The following SPEF2 variants were observed in gnomAD, a reference collection of about 807,000 sequenced individuals.
SPEF2 encodes sperm flagella and cilia-associated protein 2.
In SPEF2, 187 loss-of-function variants were observed where a neutral mutation model predicts 224.6. The ratio of observed to expected loss-of-function variants is 0.83; its 90% confidence interval spans 0.74 to 0.94. SPEF2 has a LOEUF of 0.94. SPEF2 is among the 40% of genes least tolerant of loss of function. SPEF2 has a pLI of 0.00. For synonymous variants in SPEF2, 715 were observed against 707.3 expected, an observed-to-expected ratio of 1.01 and a Z score of -0.17; for missense variants, 2,170 against 2,135.6, an observed-to-expected ratio of 1.02 and a Z score of -0.32.
chr5:35,759,856 G>GTTT, intron 25 of SPEF2, 137 bp downstream of exon 25: 116 of 589,184 alleles, frequency 2.0e-4, no homozygotes, highest in East Asian at 2.4e-4. Context: ...AACCAAACAT[G>GTTT]TTTTTTTTTT....
In SPEF2 at chr5:35,759,682, C is replaced by CA. The variant is rs745626735; in HGVS notation, c.3585dup (p.Leu1196ThrfsTer3). Reference sequence around the variant, plus strand: ...GAGATTTACTCGAATCCCTTTGGTCCAACTGGATAGTAAAGACAATTCTGA... The same window carrying CA: ...GAGATTTACTCGAATCCCTTTGGTCCAAACTGGATAGTAAAGACAATTCTGA... On this transcript the variant is annotated frameshift_variant, in exon 25 of 37. Coordinates refer to ENST00000356031, the MANE Select transcript of SPEF2 (RefSeq NM_024867.4). LOFTEE classifies it high-confidence loss of function. The CA allele has an allele frequency of 1.2e-6, 2 of 1,604,916 alleles. No individual in the cohort carries two copies. The highest frequency in any genetic ancestry group is 2.2e-5 in the South Asian group (2 of 89,722).
At chr5:35,737,126 T>C (rs1221272578) in intron 21 of SPEF2, among the ~76,000 whole-genome samples, 1 of 152,248 alleles carries the variant, frequency 6.6e-6, no homozygotes, top group Non-Finnish European at 1.5e-5. Context: ...CAATTTCTTT[T>C]TTTTTGTCAT....
At chr5:35,652,103 T>C (rs1311883295) in intron 6 of SPEF2, among the ~76,000 whole-genome samples, 1 of 152,210 alleles carries the variant, frequency 6.6e-6, no homozygotes, top group Non-Finnish European at 1.5e-5. Context: ...TTACATTAGA[T>C]GAAGGTCTGG....
intron 17 of SPEF2, among the ~76,000 whole-genome samples, chr5:35,705,225 A>C (rs1202631275): frequency 3.9e-5 from 6 of 152,050 alleles, no homozygotes; most frequent in African/African-American, 9.6e-5. Flanking sequence ...AACACTTCTG[A>C]GTAAAATATA....
intron 34 of SPEF2, 141 bp from the exon 35 acceptor site, chr5:35,806,565 TC>T (rs1226141823): frequency 1.6e-5 from 16 of 1,005,266 alleles, no homozygotes; most frequent in Admixed American, 3.0e-5. Context: ...TAGTGTATTC[TC>T]CTCTAGACTG....
At chr5:35,692,546 A>G in intron 11 of SPEF2, 24 bp from the exon 12 acceptor site, 1 of 1,538,416 alleles carries the variant, frequency 6.5e-7, no homozygotes, top group African/African-American at 1.4e-5. Flanking sequence ...AAAGCTATTT[A>G]TAAAATTATC....
intron 2 of SPEF2, among the ~76,000 whole-genome samples, chr5:35,639,348 C>G (rs1352830918): frequency 6.6e-6 from 1 of 152,106 alleles, no homozygotes; most frequent in African/African-American, 2.4e-5. Context: ...GGCACATGGT[C>G]TTTTAAATAA....
At position 35,745,761 on chromosome 5, in the gene SPEF2, A is replaced by G. The variant is rs545235603; in HGVS notation, c.3330+5494A>G. On this transcript the variant is annotated intron_variant, in intron 23 of 36. Transcript: ENST00000356031. ...ACCCTGGTAGTGGAAGACAAAGGGC[A>G]TATAATCTTGGGAGTTCTAGGGCCC... 3.9e-5 allele frequency among the ~76,000 whole-genome samples: 6 copies of G among 152,308 alleles called. No individual in the cohort carries two copies. The South Asian group carries it at 1.2e-3, about 32-fold the overall frequency.
intron 8 of SPEF2, among the ~76,000 whole-genome samples, chr5:35,664,072 C>T (rs557375584): frequency 2.1e-4 from 32 of 152,268 alleles, no homozygotes; most frequent in African/African-American, 6.7e-4. Context: ...AGTGCCTTCA[C>T]CCAATTAATA....
At chr5:35,684,320 C>T (rs1166891634) in intron 10 of SPEF2, among the ~76,000 whole-genome samples, 1 of 152,136 alleles carries the variant, frequency 6.6e-6, no homozygotes, top group Non-Finnish European at 1.5e-5. Flanking sequence ...TTGGTCTTTG[C>T]TAGGAACTTC....
chr5:35,654,450 C>T, intron 6 of SPEF2, 90 bp from the exon 7 acceptor site: 2 of 1,046,444 alleles, frequency 1.9e-6, no homozygotes, highest in Non-Finnish European at 2.7e-6. Context: ...TCAAGGGATC[C>T]TTCTCCTGAG....
chr5:35,776,447 A>G, intron 29 of SPEF2, 52 bp downstream of exon 29: 2 of 1,529,770 alleles, frequency 1.3e-6, no homozygotes. Context: ...TCTAAGTACC[A>G]AAATTGATGA....
At chr5:35,810,444 C>G (rs1234389090) in intron 36 of SPEF2, among the ~76,000 whole-genome samples, 1 of 152,158 alleles carries the variant, frequency 6.6e-6, no homozygotes, top group Non-Finnish European at 1.5e-5. Context: ...AACTCCTGAC[C>G]TCAGGCGATC....
chr5:35,732,250 A>C (rs1251345130), intron 21 of SPEF2, among the ~76,000 whole-genome samples: 1 of 152,064 alleles, frequency 6.6e-6, no homozygotes, highest in Non-Finnish European at 1.5e-5. Context: ...CATTGTAGAG[A>C]AATGAGGGCT....
rs550835938 is a variant in SPEF2 at position 35,649,517 on chromosome 5, A to C, written c.791+92A>C. ...TAGAAATAGTTTATCTGGAAGAGCT[A>C]TTCCAGGATCTTTTCACTCCAAAGA... On this transcript the variant is annotated intron_variant, in intron 6 of 36. Transcript: ENST00000356031. 87 of 952,724 alleles carry C rather than the reference A, an allele frequency of 9.1e-5. 1 individual carries two copies. The South Asian group carries it at 1.5e-3, about 17-fold the overall frequency. 59.0% of individuals were successfully genotyped at this position (952,724 alleles called of 1,614,324 possible).
intron 14 of SPEF2, among the ~76,000 whole-genome samples, chr5:35,697,111 C>G (rs910867922): frequency 2.0e-5 from 3 of 152,166 alleles, no homozygotes; most frequent in African/African-American, 4.8e-5. Context: ...AAAATTCTTA[C>G]TCTGGTGGCT....
At chr5:35,722,304 A>C (rs903347817) in intron 20 of SPEF2, among the ~76,000 whole-genome samples, 1 of 151,896 alleles carries the variant, frequency 6.6e-6, no homozygotes, top group Non-Finnish European at 1.5e-5. Context: ...GGCATGGGGC[A>C]GGGAGCATCG....
At position 35,659,215 on chromosome 5, in the gene SPEF2, C is replaced by T. The variant is rs771510746; in HGVS notation, c.1167+8C>T. ...GCTCTTGATCGAGAAGCGGTAAATACCATCTTCCTTAGAAATCTTTCTAAG... is the reference window on the plus strand; with the variant it reads ...GCTCTTGATCGAGAAGCGGTAAATATCATCTTCCTTAGAAATCTTTCTAAG... On this transcript the variant is annotated splice_region_variant and intron_variant, in intron 8 of 36. Transcript: ENST00000356031. The T allele has an allele frequency of 1.1e-5, 18 of 1,584,024 alleles. No homozygotes were observed. Among genetic ancestry groups the T allele is most frequent in the African/African-American group, 2.7e-5 (2 of 73,898 alleles).
At chr5:35,627,195 A>G (rs1744380713) in intron 1 of SPEF2, among the ~76,000 whole-genome samples, 1 of 152,100 alleles carries the variant, frequency 6.6e-6, no homozygotes, top group Non-Finnish European at 1.5e-5. Flanking sequence ...TTTATTTTGT[A>G]TATAATCCTT....
Sources: gnomAD v4.1 joint callset for allele counts (sites outside exome capture counted in the v4.1 genomes callset) on GRCh38, gnomAD v4.1.1 for gene constraint, MANE v1.5 for transcripts, NCBI Gene and HGNC (gene_info 2026-07-23, HGNC 2026-07-21) for gene names.